Variants in EEA1 observed in about 807,000 individuals in gnomAD.
The protein encoded by EEA1 is early endosome antigen 1.
In EEA1, 111 loss-of-function variants were observed where a neutral mutation model predicts 209.2. The ratio of observed to expected loss-of-function variants is 0.53; its 90% CI spans 0.45 to 0.62. The LOEUF (loss-of-function observed/expected upper bound fraction) is 0.62, where lower values mean the gene tolerates loss of function less well. Ranked by LOEUF, EEA1 falls within the 20% of genes least tolerant of loss-of-function variation. EEA1 has a pLI of 0.00. For missense variants in EEA1, 1,343 were observed against 1,530.8 expected (o/e 0.88, Z 2.05); for synonymous variants, 536 against 540.6 (o/e 0.99, Z 0.12).
intron 10 of EEA1, among the ~76,000 whole-genome samples, chr12:92,841,074 C>T (rs1877144594): frequency 6.6e-6 from 1 of 152,204 alleles, no homozygotes; most frequent in Non-Finnish European, 1.5e-5. Context: ...TTTTGAACTT[C>T]TCAGCCTCCA....
intron 1 of EEA1, among the ~76,000 whole-genome samples, chr12:92,899,482 A>T (rs1880064965): frequency 6.6e-6 from 1 of 152,246 alleles, no homozygotes; most frequent in Non-Finnish European, 1.5e-5. Flanking sequence ...AGCTTGTGAA[A>T]TAATCAAAGC....
chr12:92,778,365 G>A (rs1873752322), intron 25 of EEA1, among the ~76,000 whole-genome samples, 186 bp from the exon 26 acceptor site: 1 of 151,890 alleles, frequency 6.6e-6, no homozygotes, highest in African/African-American at 2.4e-5. Flanking sequence ...TGGCTCAAAG[G>A]TCAAAATGCT....
At chr12:92,883,409 C>T (rs1435884303) in intron 2 of EEA1, among the ~76,000 whole-genome samples, 2 of 152,148 alleles carry the variant, frequency 1.3e-5, no homozygotes, top group Admixed American at 1.3e-4. Flanking sequence ...TGCAGAGGCT[C>T]TTTAATTAGT....
intron 1 of EEA1, among the ~76,000 whole-genome samples, chr12:92,928,674 C>A (rs895105497): frequency 1.3e-5 from 2 of 152,124 alleles, no homozygotes; most frequent in African/African-American, 4.8e-5. Flanking sequence ...TTCTCCAGCC[C>A]GGCAGGCGGC....
intron 9 of EEA1, among the ~76,000 whole-genome samples, chr12:92,847,127 TG>T (rs1877418031): frequency 6.6e-6 from 1 of 152,124 alleles, no homozygotes; most frequent in South Asian, 2.1e-4. Context: ...GCTAATTTTT[TG>T]TATTTTTAGT....
At position 92,852,902 on chromosome 12, in the gene EEA1, C is replaced by T. The variant is rs754112339; in HGVS notation, c.520+10G>A. ...TGATTTATTGGCTAAAAAATTCTAA[C>T]TCAATTTACCTGCAATTTCAGTAGC... is the stretch of plus-strand genomic sequence containing the variant. On this transcript the variant is annotated intron_variant, in intron 7 of 28. Coordinates refer to ENST00000322349, the MANE Select transcript of EEA1 (RefSeq NM_003566.4). 1.9e-6 allele frequency: 3 copies of T among 1,594,768 alleles called. No homozygotes were observed. The East Asian group carries it at 6.7e-5, about 36-fold the overall frequency.
At chr12:92,911,473 A>G (rs1437171941) in intron 1 of EEA1, among the ~76,000 whole-genome samples, 2 of 152,234 alleles carry the variant, frequency 1.3e-5, no homozygotes, top group Non-Finnish European at 2.9e-5. Context: ...AATGTTTGCC[A>G]AGAGTTAAGG....
At position 92,820,723 on chromosome 12, in the gene EEA1, G is replaced by A. The variant is rs1021763274; in HGVS notation, c.1525-1212C>T. ...ACATGTGTAACTATGTAACAAACCT[G>A]CTCATTCTGCACAAGTATCCCAGAG... is the stretch of plus-strand genomic sequence containing the variant. On this transcript the variant is annotated intron_variant, in intron 13 of 28. Transcript: ENST00000322349. Among the ~76,000 whole-genome samples the A allele has an allele frequency of 5.3e-5, 8 of 151,246 alleles. No individual in the cohort carries two copies. In the Admixed American group the frequency reaches 5.3e-4, roughly 10 times the overall value.
chr12:92,822,732 C>G (rs2136684183), intron 13 of EEA1, among the ~76,000 whole-genome samples: 1 of 152,286 alleles, frequency 6.6e-6, no homozygotes, highest in East Asian at 1.9e-4. Flanking sequence ...CACATCTACT[C>G]TAATAATTCC....
intron 2 of EEA1, among the ~76,000 whole-genome samples, chr12:92,886,377 AGAGGC>A (rs1879385616): frequency 1.0e-5 from 1 of 96,004 alleles, no homozygotes; most frequent in Non-Finnish European, 2.0e-5. Context: ...GAAAAAAAGA[AGAGGC>A]GAGGAGAGGG....
At chr12:92,799,321 A>C (rs1874795327) in intron 20 of EEA1, among the ~76,000 whole-genome samples, 1 of 152,116 alleles carries the variant, frequency 6.6e-6, no homozygotes, top group South Asian at 2.1e-4. Flanking sequence ...ACTATTCACT[A>C]TTAGGTGACA....
intron 20 of EEA1, among the ~76,000 whole-genome samples, chr12:92,799,460 A>G (rs1874803182): frequency 6.6e-6 from 1 of 152,124 alleles, no homozygotes; most frequent in South Asian, 2.1e-4. Context: ...TGTCAACATC[A>G]ATGTCTAAAT....
intron 1 of EEA1, among the ~76,000 whole-genome samples, chr12:92,912,833 G>A (rs867183148): frequency 2.6e-5 from 4 of 152,150 alleles, no homozygotes; most frequent in East Asian, 1.9e-4. Context: ...TTAGGATAAC[G>A]GCCTCCAGTT....
At chr12:92,891,784 C>A in intron 1 of EEA1, 63 bp from the exon 2 acceptor site, 1 of 1,177,086 alleles carries the variant, frequency 8.5e-7, no homozygotes, top group Non-Finnish European at 1.2e-6. Flanking sequence ...TATTCATCGG[C>A]CATTTAATAA....
At chr12:92,923,025 G>A (rs1041588668) in intron 1 of EEA1, among the ~76,000 whole-genome samples, 30 of 150,302 alleles carry the variant, frequency 2.0e-4, no homozygotes, top group African/African-American at 7.0e-4. Context: ...ATTTTTGGAG[G>A]GTTTTTCCTT....
chr12:92,853,879 GA>G, intron 6 of EEA1, 35 bp downstream of exon 6: 1 of 1,579,994 alleles, frequency 6.3e-7, no homozygotes, highest in Non-Finnish European at 8.6e-7. Context: ...AGAAGAAAAA[GA>G]AAACTGACAA....
chr12:92,820,071 T>C (rs1406586306), intron 13 of EEA1, among the ~76,000 whole-genome samples: 2 of 152,180 alleles, frequency 1.3e-5, no homozygotes, highest in Non-Finnish European at 2.9e-5. Context: ...GCTTACATTG[T>C]CATGCTTATC....
At chr12:92,822,582 T>C (rs1246944958) in intron 13 of EEA1, among the ~76,000 whole-genome samples, 1 of 152,130 alleles carries the variant, frequency 6.6e-6, no homozygotes, top group Non-Finnish European at 1.5e-5. Flanking sequence ...CTGCAGGTTA[T>C]TCTTAATTAC....
At chr12:92,869,752 C>CAAAAAAAAAAAAAAAAAAA (rs71069185) in intron 2 of EEA1, among the ~76,000 whole-genome samples, 3 of 26,792 alleles carry the variant, frequency 1.1e-4, no homozygotes, top group African/African-American at 1.2e-4. Flanking sequence ...GATTCTGCCT[C>CAAAAAAAAAAAAAAAAAAA]AAAAAAAAAA....
Sources: gnomAD v4.1 joint callset for allele counts (sites outside exome capture counted in the v4.1 genomes callset) on GRCh38, gnomAD v4.1.1 for gene constraint, MANE v1.5 for transcripts, NCBI Gene and HGNC (gene_info 2026-07-23, HGNC 2026-07-21) for gene names.